Variants in DNAAF9 observed in about 807,000 individuals in gnomAD.
DNAAF9 encodes dynein axonemal assembly factor 9, also known as shulin.
In DNAAF9, 90 loss-of-function variants were observed where a neutral mutation model predicts 167.0. The ratio of observed to expected loss-of-function variants is 0.54; its 90% CI spans 0.45 to 0.64. The LOEUF is 0.64. Among genes scored for constraint, DNAAF9 ranks in the 30% least tolerant of loss-of-function variants. DNAAF9 has a pLI of 0.00. For synonymous variants in DNAAF9, 491 were observed against 508.8 expected (o/e 0.96, Z 0.47); for missense variants, 1,315 against 1,442.2 (o/e 0.91, Z 1.43).
intron 16 of DNAAF9, among the ~76,000 whole-genome samples, chr20:3,321,231 A>C (rs2068394898): frequency 6.6e-6 from 1 of 152,222 alleles, no homozygotes; most frequent in Non-Finnish European, 1.5e-5. Flanking sequence ...ACAGGGATAC[A>C]TTCTGAGAAA....
Position 3,270,429 on chromosome 20 carries a change from G to A in DNAAF9, c.2784C>T (p.Thr928=), listed in dbSNP as rs760024713. The A allele has an allele frequency of 1.9e-6, 3 of 1,613,476 alleles. No homozygotes were observed. The highest frequency in any genetic ancestry group is 2.5e-6 in the Non-Finnish European group (3 of 1,179,508). The change falls in exon 30 of 37, where the codon ACC becomes ACT. Residue 928 remains threonine, a splice_region_variant and synonymous_variant. Transcript: ENST00000252032. ...AFILAENGIV[T]RNEDIELILS... Reference sequence around the variant, plus strand: ...TGCAGAGTGAATCTATAGATTACCTGGTGACAATCCCATTTTCTGCAAGAA... The same window carrying A: ...TGCAGAGTGAATCTATAGATTACCTAGTGACAATCCCATTTTCTGCAAGAA...
chr20:3,382,655 C>T (rs1278615609), intron 1 of DNAAF9, 149 bp from the exon 2 acceptor site: 1 of 660,384 alleles, frequency 1.5e-6, no homozygotes, highest in Non-Finnish European at 2.7e-6. Context: ...GTATCAGAAC[C>T]ATAAAATGGA....
chr20:3,395,861 G>A (rs536308983), intron 1 of DNAAF9, among the ~76,000 whole-genome samples: 35 of 152,164 alleles, frequency 2.3e-4, no homozygotes, highest in African/African-American at 7.7e-4. Context: ...AATCTGATAC[G>A]GTTTGCCTGT....
At chr20:3,373,995 TA>T in intron 6 of DNAAF9, 52 bp downstream of exon 6, 1 of 1,171,106 alleles carries the variant, frequency 8.5e-7, no homozygotes, top group Non-Finnish European at 1.3e-6. Flanking sequence ...GGGTTCTTCA[TA>T]AAAACAGCCC....
At chr20:3,304,988 A>G (rs1006523063) in intron 20 of DNAAF9, among the ~76,000 whole-genome samples, 1 of 152,166 alleles carries the variant, frequency 6.6e-6, no homozygotes, top group Non-Finnish European at 1.5e-5. Flanking sequence ...TCAGCTGAAG[A>G]CTGGTGAAGG....
chr20:3,374,854 G>C (rs2083554551), intron 5 of DNAAF9, among the ~76,000 whole-genome samples, 176 bp downstream of exon 5: 1 of 152,136 alleles, frequency 6.6e-6, no homozygotes, highest in African/African-American at 2.4e-5. Context: ...AAACTTCACA[G>C]TAATTAATAC....
intron 1 of DNAAF9, among the ~76,000 whole-genome samples, chr20:3,388,281 C>T (rs2083779316): frequency 6.6e-6 from 1 of 152,034 alleles, no homozygotes; most frequent in Admixed American, 6.6e-5. Flanking sequence ...GAAATTAGAA[C>T]CCTTGTGCAC....
chr20:3,315,871 A>G lies in DNAAF9; in HGVS notation c.1540-86T>C. 9.9e-7 allele frequency: 1 copy of G among 1,010,078 alleles called. No individual in the cohort carries two copies. Among genetic ancestry groups the G allele is most frequent in the Non-Finnish European group, 1.6e-6 (1 of 629,022 alleles). The allele number at this position is 1,010,078 out of a possible 1,614,324, so 62.6% of individuals were successfully genotyped here. On this transcript the variant is annotated intron_variant, in intron 18 of 36. Coordinates refer to ENST00000252032, the MANE Select transcript of DNAAF9 (RefSeq NM_001009984.3). The surrounding 1 kb of genome is among the most constrained non-coding windows in gnomAD (Gnocchi z 4.1). ...CTCCCCACTGTGTTCAAATATTTCC[A>G]GGACACTGGCTGGACAGTCCTTCCA... is the stretch of plus-strand genomic sequence containing the variant.
At chr20:3,391,876 G>A (rs978704058) in intron 1 of DNAAF9, among the ~76,000 whole-genome samples, 5 of 152,244 alleles carry the variant, frequency 3.3e-5, no homozygotes, top group Non-Finnish European at 5.9e-5. Context: ...ACCACGCCTG[G>A]CTGTCTTTTT....
chr20:3,362,264 G>T, intron 6 of DNAAF9: 1 of 1,324,978 alleles, frequency 7.5e-7, no homozygotes, highest in Non-Finnish European at 1.1e-6. Flanking sequence ...CTTTCTTCGA[G>T]TTCTTCCAAC....
intron 12 of DNAAF9, among the ~76,000 whole-genome samples, chr20:3,326,747 CA>C (rs5839993): frequency 0.57 from 67,189 of 116,856 alleles, 16,550 homozygotes; most frequent in East Asian, 0.69. Flanking sequence ...GACCCTGTCT[CA>C]AAAAAAAAAA....
chr20:3,403,991 A>T (rs761854742), intron 1 of DNAAF9, among the ~76,000 whole-genome samples: 1 of 152,118 alleles, frequency 6.6e-6, no homozygotes, highest in African/African-American at 2.4e-5. Flanking sequence ...CAAGGTCACT[A>T]GTGACCCTCC....
At chr20:3,405,869 A>G (rs1343409314) in intron 1 of DNAAF9, among the ~76,000 whole-genome samples, 2 of 152,220 alleles carry the variant, frequency 1.3e-5, no homozygotes, top group Admixed American at 6.5e-5. Flanking sequence ...TGGCTGTTCT[A>G]AAGTATCCTA....
At chr20:3,354,438 T>C (rs542344775) in intron 7 of DNAAF9, among the ~76,000 whole-genome samples, 1 of 152,338 alleles carries the variant, frequency 6.6e-6, no homozygotes, top group South Asian at 2.1e-4. Flanking sequence ...CAAACAGAAC[T>C]CCTGGCTCTA....
At chr20:3,353,314 C>T (rs953192399) in intron 7 of DNAAF9, among the ~76,000 whole-genome samples, 1 of 151,922 alleles carries the variant, frequency 6.6e-6, no homozygotes, top group Non-Finnish European at 1.5e-5. Flanking sequence ...CCAACCTCTT[C>T]AGCTTTACCA....
Position 3,264,478 on chromosome 20 carries a change from G to C in DNAAF9, c.2833C>G (p.Pro945Ala), listed in dbSNP as rs1333384764. 13 of 1,571,222 alleles carry C rather than the reference G, an allele frequency of 8.3e-6. No individual in the cohort carries two copies. Among genetic ancestry groups the C allele is most frequent in the Non-Finnish European group, 1.1e-5 (13 of 1,141,162 alleles). ...AAATATCGAGATCGTAGCATCTCAG[G>C]ACTTGAAAAACTGTTTTCTGAGAGA... ...LILSENSFSSPEMLRSRYLMY... is the reference protein window; with the variant it reads ...LILSENSFSSAEMLRSRYLMY... The change falls in exon 31 of 37, where the codon CCT becomes GCT. Residue 945 changes from proline to alanine, a missense_variant. Around this residue, in one of 2 missense-constraint regions of DNAAF9, gnomAD observed 334 missense variants for 429.7 expected, o/e 0.78. Coordinates refer to ENST00000252032, the MANE Select transcript of DNAAF9 (RefSeq NM_001009984.3).
intron 20 of DNAAF9, among the ~76,000 whole-genome samples, chr20:3,307,382 C>T (rs1225398132): frequency 2.0e-5 from 3 of 152,156 alleles, no homozygotes; most frequent in Non-Finnish European, 4.4e-5. Context: ...TCTCAGAGCA[C>T]ACATGAGATA....
At chr20:3,289,607 C>T (rs2068914346) in intron 26 of DNAAF9, among the ~76,000 whole-genome samples, 2 of 152,084 alleles carry the variant, frequency 1.3e-5, no homozygotes, top group Non-Finnish European at 2.9e-5. Context: ...GCAGCCTCGC[C>T]CTCCTAGGTT....
rs776092486 is a variant in DNAAF9 at position 3,403,778 on chromosome 20, A to G, written c.83+3697T>C. 4.6e-5 allele frequency among the ~76,000 whole-genome samples: 7 copies of G among 152,184 alleles called. 1 individual carries two copies. The highest frequency in any genetic ancestry group is 3.4e-3 in the Middle Eastern group (1 of 294). On this transcript the variant is annotated intron_variant, in intron 1 of 36. Coordinates refer to ENST00000252032, the MANE Select transcript of DNAAF9 (RefSeq NM_001009984.3). ...AACATCAATATGACTGTCTATATTC[A>G]GTGTCTTCAATTCTCCTCTCATTTT...
Sources: allele counts gnomAD v4.1 joint callset (sites outside exome capture counted in the v4.1 genomes callset), GRCh38; gene constraint gnomAD v4.1.1; regional missense constraint gnomAD v4.1.1; non-coding constraint Gnocchi (gnomAD v3.1); transcripts MANE v1.5; gene names NCBI Gene and HGNC (gene_info 2026-07-23, HGNC 2026-07-21).